CLVS1: variants seen among roughly 807,000 people sequenced by gnomAD.
CLVS1 encodes the protein clavesin-1.
Under a neutral mutation model 33.1 loss-of-function variants are expected in CLVS1, and 10 were observed. The ratio of observed to expected loss-of-function variants is 0.30; its 90% CI spans 0.19 to 0.51. CLVS1 has a LOEUF of 0.51. Ranked by LOEUF, CLVS1 falls within the 20% of genes least tolerant of loss-of-function variation. CLVS1 has a pLI of 0.97. For synonymous variants in CLVS1, 163 were observed against 166.1 expected, an observed-to-expected ratio of 0.98 and a Z score of 0.14; for missense variants, 343 against 433.4, an observed-to-expected ratio of 0.79 and a Z score of 1.85.
chr8:60,966,895 G>A, the CLVS1 span, among the ~76,000 whole-genome samples: 1 of 152,262 alleles, frequency 6.6e-6, no homozygotes, highest in East Asian at 1.9e-4. Flanking sequence ...TGGGGATCAA[G>A]GTTAGAGGGA....
intron 2 of CLVS1, among the ~76,000 whole-genome samples, chr8:61,195,786 G>A (rs1807593829): frequency 6.6e-6 from 1 of 152,062 alleles, no homozygotes; most frequent in South Asian, 2.1e-4. Flanking sequence ...TAATGACTGG[G>A]AAAGGTAGAA....
upstream of CLVS1, among the ~76,000 whole-genome samples, chr8:61,287,772 T>C (rs1450512142): frequency 1.3e-5 from 2 of 152,168 alleles, no homozygotes; most frequent in Non-Finnish European, 2.9e-5. Flanking sequence ...TGCGCTTTCA[T>C]TAATCCGTTT....
intron 3 of CLVS1, among the ~76,000 whole-genome samples, chr8:61,413,715 C>G (rs574411874): frequency 1.3e-5 from 2 of 152,288 alleles, no homozygotes; most frequent in African/African-American, 4.8e-5. Context: ...ATGGGATGGA[C>G]TGGGGGCTCA....
intron 2 of CLVS1, among the ~76,000 whole-genome samples, chr8:61,365,569 G>T (rs1813168535): frequency 6.6e-6 from 1 of 152,000 alleles, no homozygotes; most frequent in African/African-American, 2.4e-5. Flanking sequence ...AGTTTCATTG[G>T]AAGTAGGAGT....
intron 2 of CLVS1, among the ~76,000 whole-genome samples, chr8:61,161,968 T>C (rs1426823903): frequency 1.3e-5 from 2 of 148,998 alleles, no homozygotes; most frequent in African/African-American, 2.5e-5. Context: ...GGAAATATAA[T>C]TCTATAGTTA....
intron 2 of CLVS1, among the ~76,000 whole-genome samples, chr8:61,281,984 A>G (rs1809678909): frequency 6.6e-6 from 1 of 152,242 alleles, no homozygotes; most frequent in African/African-American, 2.4e-5. Context: ...ATGCCTTTTG[A>G]GAAAAGTGCC....
chr8:61,057,071 AG>A (rs1804484483), upstream of CLVS1: 1 of 152,184 alleles, frequency 6.6e-6, no homozygotes, highest in Admixed American at 6.5e-5. Context: ...AGGGGGGAGT[AG>A]GAGCCAGACA....
chr8:61,283,241 G>A (rs1332737997), upstream of CLVS1, among the ~76,000 whole-genome samples: 1 of 152,082 alleles, frequency 6.6e-6, no homozygotes, highest in Non-Finnish European at 1.5e-5. Context: ...ACCCTATTTG[G>A]TTCACTGTAG....
At chr8:60,969,379 G>A in the CLVS1 span, among the ~76,000 whole-genome samples, 1 of 152,144 alleles carries the variant, frequency 6.6e-6, no homozygotes, top group African/African-American at 2.4e-5. Flanking sequence ...TAAGTGTAGG[G>A]GTGCATGACT....
chr8:61,085,313 T>C (rs182950768), intron 1 of CLVS1, among the ~76,000 whole-genome samples: 637 of 152,318 alleles, frequency 4.2e-3, no homozygotes, highest in Non-Finnish European at 7.2e-3. Flanking sequence ...TTTTCCGCTG[T>C]CCCAAAACAT....
chr8:61,303,121 GT>G (rs1325155400), intron 2 of CLVS1, among the ~76,000 whole-genome samples: 1 of 152,154 alleles, frequency 6.6e-6, no homozygotes, highest in Non-Finnish European at 1.5e-5. Flanking sequence ...ATGCTTAGTT[GT>G]TTTCAGTGTT....
the CLVS1 span, among the ~76,000 whole-genome samples, chr8:61,024,898 A>C: frequency 5.3e-5 from 8 of 150,418 alleles, no homozygotes; most frequent in South Asian, 1.7e-3. Context: ...CCCAGGCTGC[A>C]GTGCAGTGGC....
intron 2 of CLVS1, among the ~76,000 whole-genome samples, chr8:61,196,326 G>A (rs1397803923): frequency 1.3e-5 from 2 of 152,142 alleles, no homozygotes; most frequent in Non-Finnish European, 2.9e-5. Flanking sequence ...TTGTGATACA[G>A]ATTAAAAGAG....
intron 5 of CLVS1, 49 bp downstream of exon 5, chr8:61,458,591 A>C: frequency 1.6e-6 from 2 of 1,279,758 alleles, no homozygotes; most frequent in Non-Finnish European, 2.1e-6. Flanking sequence ...GGTCAATGGA[A>C]TTTTTTATTT....
intron 5 of CLVS1, among the ~76,000 whole-genome samples, chr8:61,460,874 A>T (rs1352845041): frequency 1.3e-5 from 2 of 152,202 alleles, no homozygotes; most frequent in African/African-American, 4.8e-5. Flanking sequence ...CACTGGTAAA[A>T]CCGTTTCATC....
chr8:61,070,266 T>C (rs1776862999), intron 1 of CLVS1, among the ~76,000 whole-genome samples: 1 of 152,234 alleles, frequency 6.6e-6, no homozygotes, highest in East Asian at 1.9e-4. Context: ...TCATATCACA[T>C]GCACTCCTCT....
Position 61,141,479 on chromosome 8 carries a change from G to GTA in CLVS1, c.-152+9633_-152+9634dup, listed in dbSNP as rs142262369. Among the ~76,000 whole-genome samples, 523 of 151,034 alleles carry GTA rather than the reference G, an allele frequency of 3.5e-3. 2 individuals are homozygous for GTA. The highest frequency in any genetic ancestry group is 9.7e-3 in the African/African-American group (399 of 41,244). ...TCCATTGACCAATATATTGGCTTAT[G>GTA]TATATATATATATATTTTACATATG... On this transcript the variant is annotated intron_variant, in intron 2 of 2. Coordinates refer to the CLVS1 transcript ENST00000522621.
intron 2 of CLVS1, among the ~76,000 whole-genome samples, chr8:61,188,176 G>A (rs1341197685): frequency 2.0e-5 from 3 of 152,134 alleles, no homozygotes; most frequent in African/African-American, 7.2e-5. Context: ...TGAATTGGAT[G>A]TAGACTAAAC....
chr8:61,197,911 C>T (rs1460991093), intron 2 of CLVS1, among the ~76,000 whole-genome samples: 9 of 152,218 alleles, frequency 5.9e-5, no homozygotes, highest in Non-Finnish European at 1.3e-4. Flanking sequence ...CCCCAAAGTG[C>T]ACAGACTCTT....
Sources: gnomAD v4.1 joint callset for allele counts (sites outside exome capture counted in the v4.1 genomes callset) on GRCh38, gnomAD v4.1.1 for gene constraint, MANE v1.5 for transcripts, NCBI Gene and HGNC (gene_info 2026-07-23, HGNC 2026-07-21) for gene names.